The following CHST11 variants were observed in gnomAD, a reference collection of about 807,000 sequenced individuals.
CHST11 encodes the protein carbohydrate sulfotransferase 11.
In CHST11, 9 loss-of-function variants were observed where a neutral mutation model predicts 30.4. That is an observed-to-expected ratio of 0.30 (90% CI 0.18 to 0.52). The LOEUF is 0.52. Among genes scored for constraint, CHST11 ranks in the 20% least tolerant of loss-of-function variants. The pLI, the probability that CHST11 is intolerant of heterozygous loss-of-function variation, is 0.97. For synonymous variants in CHST11, 152 were observed against 187.8 expected (o/e 0.81, Z 1.56); for missense variants, 348 against 460.6 (o/e 0.76, Z 2.24).
chr12:104,512,285 A>G (rs956281535), intron 1 of CHST11, among the ~76,000 whole-genome samples: 1 of 152,262 alleles, frequency 6.6e-6, no homozygotes, highest in Non-Finnish European at 1.5e-5. Context: ...AGCGCTCTAC[A>G]GGATCCTTTG....
intron 1 of CHST11, among the ~76,000 whole-genome samples, chr12:104,569,305 G>A (rs2038600129): frequency 6.6e-6 from 1 of 152,160 alleles, no homozygotes; most frequent in Non-Finnish European, 1.5e-5. Context: ...CAGTTTGTGA[G>A]ACTCCATAGC....
At chr12:104,725,082 G>A (rs1041025745) in intron 2 of CHST11, among the ~76,000 whole-genome samples, 9 of 152,044 alleles carry the variant, frequency 5.9e-5, no homozygotes, top group Non-Finnish European at 8.8e-5. Flanking sequence ...TAAGCCCAGC[G>A]CCCCCATTTT....
intron 1 of CHST11, among the ~76,000 whole-genome samples, chr12:104,488,601 G>T (rs561519017): frequency 5.0e-4 from 74 of 149,422 alleles, no homozygotes; most frequent in Non-Finnish European, 4.0e-4. Flanking sequence ...GTATGTATGC[G>T]TATGTGTGTA....
intron 1 of CHST11, among the ~76,000 whole-genome samples, chr12:104,586,853 T>G (rs1451931176): frequency 6.6e-6 from 1 of 152,250 alleles, no homozygotes; most frequent in Admixed American, 6.5e-5. Context: ...CTGTCTCTCT[T>G]GTTTTATTTA....
At chr12:104,669,278 C>CAGGA (rs1489764147) in intron 2 of CHST11, among the ~76,000 whole-genome samples, 1 of 152,328 alleles carries the variant, frequency 6.6e-6, no homozygotes, top group South Asian at 2.1e-4. Flanking sequence ...CAGCCACAAT[C>CAGGA]AGGAGCCTGT....
At chr12:104,476,044 A>G (rs1296202149) in intron 1 of CHST11, among the ~76,000 whole-genome samples, 2 of 144,898 alleles carry the variant, frequency 1.4e-5, no homozygotes, top group African/African-American at 5.0e-5. Flanking sequence ...ACATATATGT[A>G]ATACTTGTAA....
rs138324628 is a variant in CHST11 at position 104,555,146 on chromosome 12, T to G, written c.119-46760T>G. ...ATGCCAAGCTTGTGAAATAAGAAAC[T>G]CTGATTCTAGCCACATCAGGGAGGC... On this transcript the variant is annotated intron_variant, in intron 1 of 2. Transcript: ENST00000303694. Among the ~76,000 whole-genome samples the G allele has an allele frequency of 3.8e-3, 578 of 152,330 alleles. 5 individuals are homozygous for G. Among genetic ancestry groups the G allele is most frequent in the African/African-American group, 0.013 (541 of 41,566 alleles).
intron 1 of CHST11, among the ~76,000 whole-genome samples, chr12:104,527,705 A>G (rs1054771205): frequency 2.6e-5 from 4 of 152,254 alleles, no homozygotes; most frequent in African/African-American, 9.6e-5. Context: ...TTAGTGCTCT[A>G]TTAGAAAAGA....
intron 2 of CHST11, among the ~76,000 whole-genome samples, chr12:104,627,798 G>GA (rs1566014240): frequency 5.3e-5 from 7 of 132,764 alleles, no homozygotes; most frequent in East Asian, 4.6e-4. Context: ...GATGATGATG[G>GA]TGGTGGTGGA....
At chr12:104,604,133 G>C (rs942370608) in intron 2 of CHST11, among the ~76,000 whole-genome samples, 1 of 152,142 alleles carries the variant, frequency 6.6e-6, no homozygotes, top group African/African-American at 2.4e-5. Context: ...TGGTCCCATT[G>C]TAAACCAGTC....
At chr12:104,607,915 G>A (rs575297599) in intron 2 of CHST11, among the ~76,000 whole-genome samples, 1 of 152,226 alleles carries the variant, frequency 6.6e-6, no homozygotes, top group Admixed American at 6.5e-5. Flanking sequence ...GCTTCTCCAG[G>A]GCAGGTAATG....
Position 104,757,854 on chromosome 12 carries a change from T to C in CHST11, c.*51T>C, listed in dbSNP as rs1278817948. 1.3e-6 allele frequency: 2 copies of C among 1,513,668 alleles called. No individual in the cohort carries two copies. The highest frequency in any genetic ancestry group is 1.8e-6 in the Non-Finnish European group (2 of 1,122,474). The allele number at this position is 1,513,668 out of a possible 1,614,324, so 93.8% of individuals were successfully genotyped here. On this transcript the variant is annotated 3_prime_UTR_variant, in exon 3 of 3. Transcript: ENST00000303694. This position sits in a 1 kb window ranked among gnomAD's most constrained non-coding sequence, Gnocchi z 6.5. Reference sequence around the variant, plus strand: ...ATGCTTTTTAATTTAAGATTTTTATTTGTCAAAAGAATTATATGGATATTG... The same window carrying C: ...ATGCTTTTTAATTTAAGATTTTTATCTGTCAAAAGAATTATATGGATATTG...
chr12:104,612,403 C>T (rs1326165538), intron 2 of CHST11, among the ~76,000 whole-genome samples: 1 of 152,196 alleles, frequency 6.6e-6, no homozygotes, highest in Admixed American at 6.5e-5. Flanking sequence ...TGGTGCTCCC[C>T]CTGTGTGGGT....
At chr12:104,646,427 T>C (rs560221316) in intron 2 of CHST11, among the ~76,000 whole-genome samples, 31 of 152,296 alleles carry the variant, frequency 2.0e-4, no homozygotes, top group African/African-American at 7.5e-4. Flanking sequence ...ACCTTCATCG[T>C]AGTGGTGATT....
At chr12:104,554,444 A>T (rs1305897151) in intron 1 of CHST11, among the ~76,000 whole-genome samples, 1 of 152,166 alleles carries the variant, frequency 6.6e-6, no homozygotes, top group Non-Finnish European at 1.5e-5. Flanking sequence ...TAAGACAGGG[A>T]GCAAGGATGC....
intron 2 of CHST11, among the ~76,000 whole-genome samples, chr12:104,645,064 C>T (rs970923147): frequency 2.0e-5 from 3 of 152,196 alleles, no homozygotes; most frequent in Non-Finnish European, 2.9e-5. Context: ...TCTCCTGCCT[C>T]AGCCTCCCAA....
At chr12:104,531,200 G>A (rs544736489) in intron 1 of CHST11, among the ~76,000 whole-genome samples, 3 of 152,124 alleles carry the variant, frequency 2.0e-5, no homozygotes, top group Non-Finnish European at 2.9e-5. Flanking sequence ...AAGATTAGGC[G>A]ATGTGGTGGG....
intron 2 of CHST11, among the ~76,000 whole-genome samples, chr12:104,666,713 G>C (rs964832682): frequency 2.6e-5 from 4 of 152,206 alleles, no homozygotes; most frequent in Admixed American, 2.6e-4. Context: ...AAAAAAGATG[G>C]AAGGAAAGGG....
At chr12:104,670,790 T>A (rs1157525659) in intron 2 of CHST11, among the ~76,000 whole-genome samples, 8 of 146,812 alleles carry the variant, frequency 5.4e-5, no homozygotes, top group African/African-American at 1.3e-4. Context: ...ACATACACTC[T>A]CACACACACC....
Sources: gnomAD v4.1 joint callset for allele counts (sites outside exome capture counted in the v4.1 genomes callset) on GRCh38, gnomAD v4.1.1 for gene constraint, Gnocchi (gnomAD v3.1) non-coding constraint, MANE v1.5 for transcripts, NCBI Gene and HGNC (gene_info 2026-07-23, HGNC 2026-07-21) for gene names.